Variants in CAST observed in about 807,000 individuals in gnomAD.
CAST encodes the protein MIR583 host.
In CAST, 76 loss-of-function variants were observed where a neutral mutation model predicts 119.6. The ratio of observed to expected loss-of-function variants is 0.64; its 90% confidence interval spans 0.53 to 0.77. CAST has a LOEUF of 0.77. Ranked by LOEUF, CAST falls within the 30% of genes least tolerant of loss-of-function variation. The pLI, the probability that CAST is intolerant of heterozygous loss-of-function variation, is 0.00. For missense variants in CAST, 953 were observed against 946.5 expected (o/e 1.01, Z -0.09); for synonymous variants, 319 against 331.6 (o/e 0.96, Z 0.41).
chr5:96,297,853 C>T, the CAST span, among the ~76,000 whole-genome samples: 3 of 151,978 alleles, frequency 2.0e-5, no homozygotes, highest in Non-Finnish European at 4.4e-5. Flanking sequence ...GACCCGGGAG[C>T]ACTATATGCA....
At chr5:96,085,798 G>A in the CAST span, among the ~76,000 whole-genome samples, 2 of 152,276 alleles carry the variant, frequency 1.3e-5, no homozygotes, top group East Asian at 3.9e-4. Flanking sequence ...AGGGGTCTTG[G>A]ATCAGCTACC....
the CAST span, chr5:96,410,686 T>C: frequency 4.3e-4 from 457 of 1,059,250 alleles, 4 homozygotes; most frequent in African/African-American, 5.9e-3. Flanking sequence ...AGCGAATCAG[T>C]CGTACCAAAG....
the CAST span, among the ~76,000 whole-genome samples, chr5:95,971,926 G>A: frequency 6.0e-5 from 9 of 150,182 alleles, no homozygotes; most frequent in African/African-American, 2.2e-4. Flanking sequence ...TGGTTTTTAT[G>A]TAAATATGTC....
At chr5:96,107,990 AT>A in the CAST span, among the ~76,000 whole-genome samples, 2 of 151,720 alleles carry the variant, frequency 1.3e-5, no homozygotes, top group South Asian at 4.2e-4. Context: ...TCCATTGCTG[AT>A]ACCCTTTCTT....
chr5:96,521,538 C>T (rs1745519069), upstream of CAST, among the ~76,000 whole-genome samples: 1 of 152,180 alleles, frequency 6.6e-6, no homozygotes, highest in African/African-American at 2.4e-5. Context: ...CATATCCCCA[C>T]ATGTCACATG....
intron 1 of CAST, among the ~76,000 whole-genome samples, chr5:96,547,268 A>C (rs947962133): frequency 6.6e-6 from 1 of 152,192 alleles, no homozygotes; most frequent in Non-Finnish European, 1.5e-5. Context: ...CAGGAAAGCC[A>C]GTGATGCAAT....
the CAST span, among the ~76,000 whole-genome samples, chr5:95,995,492 A>G: frequency 6.6e-6 from 1 of 152,106 alleles, no homozygotes; most frequent in Non-Finnish European, 1.5e-5. Context: ...GAGTTGACCT[A>G]TTGAATTATT....
At chr5:96,000,019 A>G in the CAST span, among the ~76,000 whole-genome samples, 2 of 152,250 alleles carry the variant, frequency 1.3e-5, no homozygotes, top group Non-Finnish European at 2.9e-5. Context: ...ACATCTTTTC[A>G]TATTGTTATT....
chr5:96,319,548 G>A, the CAST span, among the ~76,000 whole-genome samples: 1 of 152,160 alleles, frequency 6.6e-6, no homozygotes, highest in African/African-American at 2.4e-5. Context: ...TCAATGAAAT[G>A]TGAATAGTAA....
chr5:96,426,602 C>T, the CAST span, among the ~76,000 whole-genome samples: 2,053 of 152,266 alleles, frequency 0.013, 44 homozygotes, highest in African/African-American at 0.048. Context: ...CCCATATTTA[C>T]AGCATAATAC....
the CAST span, among the ~76,000 whole-genome samples, chr5:95,987,946 T>C: frequency 5.3e-5 from 8 of 152,352 alleles, no homozygotes; most frequent in East Asian, 1.5e-3. Flanking sequence ...GTTTCCTTCA[T>C]TGCAGAAAGT....
intron 24 of CAST, among the ~76,000 whole-genome samples, chr5:96,758,667 T>C (rs1766923644): frequency 2.0e-5 from 3 of 152,218 alleles, no homozygotes; most frequent in Admixed American, 2.0e-4. Flanking sequence ...TTACTTTTGC[T>C]GAATGAAGCA....
the CAST span, among the ~76,000 whole-genome samples, chr5:96,261,267 G>A: frequency 6.6e-6 from 1 of 152,208 alleles, no homozygotes; most frequent in African/African-American, 2.4e-5. Flanking sequence ...GCAGGTCTAT[G>A]TAAACCTACT....
At chr5:96,532,332 G>T (rs1438997978) in intron 1 of CAST, among the ~76,000 whole-genome samples, 3 of 152,192 alleles carry the variant, frequency 2.0e-5, no homozygotes, top group African/African-American at 7.2e-5. Flanking sequence ...TGCACATCTT[G>T]TTGAAATTTA....
At chr5:96,027,602 T>A in the CAST span, among the ~76,000 whole-genome samples, 5 of 152,104 alleles carry the variant, frequency 3.3e-5, no homozygotes, top group African/African-American at 1.2e-4. Flanking sequence ...ACAATGTAAA[T>A]GAGCCAACTT....
intron 1 of CAST, among the ~76,000 whole-genome samples, chr5:96,614,040 G>A (rs953246401): frequency 6.6e-6 from 1 of 152,080 alleles, no homozygotes; most frequent in Non-Finnish European, 1.5e-5. Context: ...AGGAATCTAA[G>A]GTATAAAGTA....
the CAST span, among the ~76,000 whole-genome samples, chr5:96,386,814 A>G: frequency 1.3e-5 from 2 of 152,090 alleles, no homozygotes. Context: ...AAAATACAAA[A>G]ATTAGCTGGG....
the CAST span, among the ~76,000 whole-genome samples, chr5:96,102,199 A>G: frequency 6.6e-6 from 1 of 152,188 alleles, no homozygotes; most frequent in Non-Finnish European, 1.5e-5. Flanking sequence ...GCATCCAAGA[A>G]GAATGAAGTC....
At chr5:96,352,119 A>G in the CAST span, among the ~76,000 whole-genome samples, 1 of 152,184 alleles carries the variant, frequency 6.6e-6, no homozygotes, top group Non-Finnish European at 1.5e-5. Context: ...GCTGGAACTC[A>G]AGAAAGTTCA....
Sources: allele counts gnomAD v4.1 joint callset (sites outside exome capture counted in the v4.1 genomes callset), GRCh38; gene constraint gnomAD v4.1.1; transcripts MANE v1.5; gene names NCBI Gene and HGNC (gene_info 2026-07-23, HGNC 2026-07-21).